LUZP2: variants seen among roughly 807,000 people sequenced by gnomAD.
The protein encoded by LUZP2 is leucine zipper protein 2.
A neutral mutation model predicts 51.6 loss-of-function variants in LUZP2; 52 were observed. The ratio of observed to expected loss-of-function variants is 1.01; its 90% CI spans 0.81 to 1.27. The LOEUF (loss-of-function observed/expected upper bound fraction) is 1.27. Among genes scored for constraint, LUZP2 ranks in the 50% most tolerant of loss-of-function variants. LUZP2 has a pLI of 0.00. For synonymous variants in LUZP2, 154 were observed against 137.3 expected, an observed-to-expected ratio of 1.12 and a Z score of -0.85; for missense variants, 436 against 395.4, an observed-to-expected ratio of 1.10 and a Z score of -0.87.
intron 1 of LUZP2, among the ~76,000 whole-genome samples, chr11:24,546,097 G>T (rs1008767020): frequency 5.9e-5 from 9 of 151,988 alleles, no homozygotes; most frequent in Admixed American, 5.9e-4. Context: ...TGTTGTTGGT[G>T]TATAGGAATG....
chr11:24,502,012 C>G (rs1850008989), intron 1 of LUZP2, among the ~76,000 whole-genome samples: 1 of 152,168 alleles, frequency 6.6e-6, no homozygotes, highest in African/African-American at 2.4e-5. Context: ...CTTATCCTCT[C>G]TATCCAGTTT....
At chr11:24,949,150 A>C (rs1221966326) in intron 7 of LUZP2, among the ~76,000 whole-genome samples, 1 of 151,596 alleles carries the variant, frequency 6.6e-6, no homozygotes, top group Non-Finnish European at 1.5e-5. Context: ...CATATGTTTT[A>C]GCTCAGAAGG....
intron 5 of LUZP2, among the ~76,000 whole-genome samples, chr11:24,883,692 A>T (rs1852567709): frequency 6.6e-6 from 1 of 151,984 alleles, no homozygotes; most frequent in African/African-American, 2.4e-5. Flanking sequence ...TCCTTCAGTC[A>T]TTAGGTATGT....
chr11:24,579,318 T>C (rs1047319607), intron 1 of LUZP2, among the ~76,000 whole-genome samples: 1 of 152,124 alleles, frequency 6.6e-6, no homozygotes, highest in Non-Finnish European at 1.5e-5. Flanking sequence ...CAATTTATTA[T>C]AAATAGAACC....
At chr11:24,512,448 A>G (rs1434871256) in intron 1 of LUZP2, among the ~76,000 whole-genome samples, 1 of 152,218 alleles carries the variant, frequency 6.6e-6, no homozygotes, top group African/African-American at 2.4e-5. Context: ...AATACGTTAC[A>G]TATTTTATTG....
At chr11:24,619,673 A>G (rs1123223) in intron 1 of LUZP2, among the ~76,000 whole-genome samples, 54,051 of 151,926 alleles carry the variant, frequency 0.36, 9,765 homozygotes, top group Middle Eastern at 0.43. Flanking sequence ...GGATGCTCAA[A>G]TCCCTGATAT....
intron 3 of LUZP2, among the ~76,000 whole-genome samples, chr11:24,734,642 G>A (rs537155062): frequency 7.2e-5 from 11 of 151,824 alleles, no homozygotes; most frequent in Admixed American, 1.3e-4. Context: ...TGATGCATTC[G>A]TTTTTTGCTG....
chr11:24,857,340 T>A (rs986348539), intron 5 of LUZP2, among the ~76,000 whole-genome samples: 26 of 148,082 alleles, frequency 1.8e-4, no homozygotes, highest in South Asian at 4.2e-4. Context: ...CATATATATA[T>A]AATATATATG....
chr11:24,527,638 T>G (rs1292016189), intron 1 of LUZP2, among the ~76,000 whole-genome samples: 2 of 150,634 alleles, frequency 1.3e-5, no homozygotes, highest in Non-Finnish European at 3.0e-5. Flanking sequence ...CTTTGTGTTC[T>G]TTCAGTTTCT....
intron 9 of LUZP2, among the ~76,000 whole-genome samples, chr11:25,025,428 A>T (rs962266083): frequency 1.2e-4 from 18 of 152,106 alleles, no homozygotes; most frequent in African/African-American, 4.3e-4. Flanking sequence ...GAATCTACAA[A>T]TAATTTAAAC....
intron 1 of LUZP2, among the ~76,000 whole-genome samples, chr11:24,713,355 C>A (rs1280347854): frequency 6.6e-6 from 1 of 152,112 alleles, no homozygotes; most frequent in Non-Finnish European, 1.5e-5. Context: ...CGAAGTCACT[C>A]TTATTCAGTC....
At chr11:24,839,210 G>A (rs183559711) in intron 5 of LUZP2, among the ~76,000 whole-genome samples, 69 of 151,582 alleles carry the variant, frequency 4.6e-4, no homozygotes, top group African/African-American at 1.6e-3. Context: ...AATTAGTCTA[G>A]GAATGATTCT....
intron 7 of LUZP2, among the ~76,000 whole-genome samples, chr11:24,934,971 A>G (rs1308618519): frequency 1.3e-5 from 2 of 152,204 alleles, no homozygotes; most frequent in Non-Finnish European, 2.9e-5. Context: ...GGCAGTGAAT[A>G]CTATTTGTTA....
chr11:24,743,325 G>C (rs983649142), intron 4 of LUZP2, among the ~76,000 whole-genome samples: 1 of 152,154 alleles, frequency 6.6e-6, no homozygotes, highest in Non-Finnish European at 1.5e-5. Context: ...CCATGAGCAT[G>C]AGATATGTTT....
chr11:25,054,958 T>G (rs1431887454), intron 10 of LUZP2, among the ~76,000 whole-genome samples: 1 of 151,478 alleles, frequency 6.6e-6, no homozygotes, highest in African/African-American at 2.4e-5. Context: ...TGTTTTTTTT[T>G]CAATCCATAA....
Position 24,660,298 on chromosome 11 carries a change from T to G in LUZP2, c.63-68871T>G, listed in dbSNP as rs1203776061. On this transcript the variant is annotated intron_variant, in intron 1 of 11. Coordinates refer to ENST00000336930, the MANE Select transcript of LUZP2 (RefSeq NM_001009909.4). Reference sequence around the variant, plus strand: ...TAAATGTGTTATGTAGCAAAAGAAATAAAATAATGGGGCTGACAACTTTCA... The same window carrying G: ...TAAATGTGTTATGTAGCAAAAGAAAGAAAATAATGGGGCTGACAACTTTCA... Among the ~76,000 whole-genome samples the G allele has an allele frequency of 2.0e-5, 3 of 152,076 alleles. No homozygotes were observed. In the East Asian group the frequency reaches 5.8e-4, roughly 29 times the overall value.
At position 24,613,672 on chromosome 11, in the gene LUZP2, T is replaced by C. The variant is rs80021444; in HGVS notation, c.63-115497T>C. ...TGAAAAAAAATTCAAATATAGAAAA[T>C]GTGATGATGAACAATAAGTACTAGT... On this transcript the variant is annotated intron_variant, in intron 1 of 11. Transcript: ENST00000336930. Among the ~76,000 whole-genome samples, 681 of 151,586 alleles carry C rather than the reference T, an allele frequency of 4.5e-3. 5 individuals are homozygous for C. Among genetic ancestry groups the C allele is most frequent in the African/African-American group, 0.016 (650 of 41,356 alleles).
chr11:24,862,559 C>A (rs1246260122), intron 5 of LUZP2, among the ~76,000 whole-genome samples: 2 of 152,046 alleles, frequency 1.3e-5, no homozygotes, highest in Non-Finnish European at 2.9e-5. Flanking sequence ...TATAAATGGG[C>A]TAAAAGTCCC....
chr11:24,566,326 ATTTTTTT>A (rs869144004), intron 1 of LUZP2, among the ~76,000 whole-genome samples: 3 of 93,016 alleles, frequency 3.2e-5, no homozygotes, highest in East Asian at 1.1e-3. Context: ...TTATTTATTT[ATTTTTTT>A]TTTTTTTTTT....
Sources: allele counts gnomAD v4.1 joint callset (sites outside exome capture counted in the v4.1 genomes callset), GRCh38; gene constraint gnomAD v4.1.1; transcripts MANE v1.5; gene names NCBI Gene and HGNC (gene_info 2026-07-23, HGNC 2026-07-21).